The following PIK3CD variants were observed in gnomAD, a reference collection of about 807,000 sequenced individuals.
The protein encoded by PIK3CD is phosphatidylinositol 4,5-bisphosphate 3-kinase catalytic subunit delta isoform.
In PIK3CD, 20 loss-of-function variants were observed where a neutral mutation model predicts 122.9. The ratio of observed to expected loss-of-function variants is 0.16; its 90% CI spans 0.11 to 0.24. The LOEUF (loss-of-function observed/expected upper bound fraction) is 0.24. PIK3CD is among the 10% of genes least tolerant of loss of function. The probability of loss-of-function intolerance (pLI) is 1.00; values close to 1 mark genes in which losing one functional copy is unlikely to be tolerated. For synonymous variants in PIK3CD, 596 were observed against 593.4 expected, an observed-to-expected ratio of 1.00 and a Z score of -0.06; for missense variants, 787 against 1,406.3, an observed-to-expected ratio of 0.56 and a Z score of 7.04.
chr1:9,635,793 A>C, the PIK3CD span, among the ~76,000 whole-genome samples: 1 of 152,248 alleles, frequency 6.6e-6, no homozygotes, highest in East Asian at 1.9e-4. Flanking sequence ...GACTTCTCCC[A>C]TGCCAAGTGC....
rs1244693026 is a variant in PIK3CD at position 9,720,739 on chromosome 1, C to T, written c.1522-3C>T. 1 of 1,611,762 alleles carries T rather than the reference C, an allele frequency of 6.2e-7. No homozygotes were observed. The highest frequency in any genetic ancestry group is 8.5e-7 in the Non-Finnish European group (1 of 1,179,414). ...AGCCCTCACTCCTGCCCACACCCCT[C>T]AGCAGCTGCAGCTGCGGGAAATCCT... On this transcript the variant is annotated splice_region_variant and splice_polypyrimidine_tract_variant and intron_variant, in intron 12 of 23. Coordinates refer to ENST00000377346, the MANE Select transcript of PIK3CD (RefSeq NM_005026.5). This position sits in a 1 kb window ranked among gnomAD's most constrained non-coding sequence, Gnocchi z 9.0.
upstream of PIK3CD, among the ~76,000 whole-genome samples, chr1:9,647,473 A>T (rs1190642818): frequency 7.4e-6 from 1 of 135,064 alleles, no homozygotes; most frequent in Non-Finnish European, 1.5e-5. Context: ...ACTTTTATTC[A>T]TGATTCTAAT....
At chr1:9,638,710 T>C in the PIK3CD span, among the ~76,000 whole-genome samples, 8 of 118,888 alleles carry the variant, frequency 6.7e-5, no homozygotes, top group Admixed American at 2.2e-4. Flanking sequence ...CCAGCCTGGG[T>C]GACAGAGCGA....
chr1:9,634,837 A>G, the PIK3CD span, among the ~76,000 whole-genome samples: 9 of 152,204 alleles, frequency 5.9e-5, no homozygotes, highest in African/African-American at 2.2e-4. Context: ...GTTTTGAATA[A>G]CAATATCCAA....
At chr1:9,713,022 A>C (rs1570347049) in intron 3 of PIK3CD, among the ~76,000 whole-genome samples, 1 of 152,288 alleles carries the variant, frequency 6.6e-6, no homozygotes, top group African/African-American at 2.4e-5. Context: ...TCTCTACTGA[A>C]AATACAAAAA....
At chr1:9,650,099 T>C (rs1644644128), upstream of PIK3CD, among the ~76,000 whole-genome samples, 1 of 151,098 alleles carries the variant, frequency 6.6e-6, no homozygotes, top group Non-Finnish European at 1.5e-5. Context: ...TATAACATCC[T>C]ACAAGGGACA....
the PIK3CD span, among the ~76,000 whole-genome samples, chr1:9,645,823 C>T: frequency 5.8e-4 from 88 of 152,218 alleles, no homozygotes; most frequent in African/African-American, 2.1e-3. Context: ...CCAGCATGGT[C>T]GTGAACCCCT....
At chr1:9,668,653 A>G (rs565221718) in intron 1 of PIK3CD, among the ~76,000 whole-genome samples, 2 of 152,124 alleles carry the variant, frequency 1.3e-5, no homozygotes, top group South Asian at 4.1e-4. Flanking sequence ...CTTATTATAT[A>G]TTAATATAAA....
At chr1:9,645,860 C>T in the PIK3CD span, among the ~76,000 whole-genome samples, 3 of 152,300 alleles carry the variant, frequency 2.0e-5, 1 homozygote, top group African/African-American at 7.2e-5. Context: ...CCTGCCTAGG[C>T]CTCCCAGAGT....
At chr1:9,637,979 C>G in the PIK3CD span, among the ~76,000 whole-genome samples, 1 of 151,898 alleles carries the variant, frequency 6.6e-6, no homozygotes, top group East Asian at 1.9e-4. Context: ...TGGTGGCAGG[C>G]GCCTGTAGTC....
intron 1 of PIK3CD, among the ~76,000 whole-genome samples, chr1:9,661,586 T>C (rs1228898629): frequency 6.6e-6 from 1 of 151,574 alleles, no homozygotes; most frequent in Non-Finnish European, 1.5e-5. Flanking sequence ...AGAGGCCGGG[T>C]GTGGTGGCTC....
intron 1 of PIK3CD, among the ~76,000 whole-genome samples, chr1:9,655,033 C>T (rs1644804412): frequency 1.3e-5 from 2 of 149,942 alleles, no homozygotes; most frequent in Non-Finnish European, 3.0e-5. Context: ...TGCCACTGCA[C>T]TCCAGCCTGG....
chr1:9,662,626 C>T (rs928779557), intron 1 of PIK3CD: 1 of 152,210 alleles, frequency 6.6e-6, no homozygotes, highest in Non-Finnish European at 1.5e-5. Context: ...TATTGAACTT[C>T]ATTTTGGCCA....
At chr1:9,711,093 T>G (rs1298830569) in intron 3 of PIK3CD, among the ~76,000 whole-genome samples, 1 of 151,822 alleles carries the variant, frequency 6.6e-6, no homozygotes, top group Admixed American at 6.6e-5. Context: ...CCGATAATGG[T>G]TTTTTTGGTT....
At chr1:9,650,423 TAAACA>T, upstream of PIK3CD, among the ~76,000 whole-genome samples, 1 of 149,092 alleles carries the variant, frequency 6.7e-6, no homozygotes, top group East Asian at 2.0e-4. Context: ...TTCCTCAAAA[TAAACA>T]AAACAAAGAA....
Position 9,723,857 on chromosome 1 carries a change from G to T in PIK3CD, c.2595-112G>T. 2.1e-6 allele frequency: 2 copies of T among 956,202 alleles called. No homozygotes were observed. Among genetic ancestry groups the T allele is most frequent in the Non-Finnish European group, 3.3e-6 (2 of 601,996 alleles). 59.2% of individuals were successfully genotyped at this position (956,202 alleles called of 1,614,324 possible). A position where few individuals can be genotyped will look rare whatever the true frequency, so the allele number is the denominator to read the frequency against. On this transcript the variant is annotated intron_variant, in intron 20 of 23. Coordinates refer to ENST00000377346, the MANE Select transcript of PIK3CD (RefSeq NM_005026.5). This position sits in a 1 kb window ranked among gnomAD's most constrained non-coding sequence, Gnocchi z 4.9. ...AGCATTGTGTCCTCCATGTTCTGTT[G>T]GTCAAAGCAAGTCACAGGGCCAGAT...
chr1:9,631,546 C>T, the PIK3CD span, among the ~76,000 whole-genome samples: 1 of 152,222 alleles, frequency 6.6e-6, no homozygotes, highest in South Asian at 2.1e-4. Flanking sequence ...ATCCCAGCTA[C>T]TCAGGAGGCT....
At position 9,720,872 on chromosome 1, in the gene PIK3CD, T is replaced by G; in HGVS notation, c.1652T>G (p.Leu551Arg). The change falls in exon 13 of 24, where the codon CTG becomes CGG. Residue 551 changes from leucine to arginine, a missense_variant. This residue lies in a region of PIK3CD where 592 missense variants were observed against 920.6 expected (regional missense o/e 0.64). Transcript: ENST00000377346. The surrounding 1 kb of genome is among the most constrained non-coding windows in gnomAD (Gnocchi z 9.0). ...CCGGAGGCGCTAGCCCGGCTGCTGC[T>G]GGTCACCAAGTGGAACAAGCATGAG... ...HFPEALARLL[L>R]VTKWNKHEDV... 1 of 1,606,552 alleles carries G rather than the reference T, an allele frequency of 6.2e-7. No homozygotes were observed. The highest frequency in any genetic ancestry group is 8.5e-7 in the Non-Finnish European group (1 of 1,176,790).
In PIK3CD at chr1:9,722,557, A is replaced by G; in HGVS notation, c.2377A>G (p.Met793Val). 6.2e-7 allele frequency: 1 copy of G among 1,613,644 alleles called. No individual in the cohort carries two copies. Among genetic ancestry groups the G allele is most frequent in the African/African-American group, 1.3e-5 (1 of 74,982 alleles). Residue 793 changes from methionine to valine, a missense_variant, in exon 19 of 24, where the codon ATG becomes GTG. By Grantham distance (21) the Met-to-Val change is conservative (BLOSUM62 1). Coordinates refer to ENST00000377346, the MANE Select transcript of PIK3CD (RefSeq NM_005026.5). The surrounding 1 kb of genome is among the most constrained non-coding windows in gnomAD (Gnocchi z 7.6). ...DLRQDMLTLQ[M>V]IQLMDVLWKQ... ...CCGGCAGGACATGCTGACCCTGCAG[A>G]TGATCCAGCTCATGGACGTCCTGTG...
Sources: allele counts gnomAD v4.1 joint callset (sites outside exome capture counted in the v4.1 genomes callset), GRCh38; gene constraint gnomAD v4.1.1; regional missense constraint gnomAD v4.1.1; non-coding constraint Gnocchi (gnomAD v3.1); transcripts MANE v1.5; gene names NCBI Gene and HGNC (gene_info 2026-07-23, HGNC 2026-07-21).